The following NAALADL2 variants were observed in gnomAD, a reference collection of about 807,000 sequenced individuals.
The protein encoded by NAALADL2 is inactive N-acetylated-alpha-linked acidic dipeptidase-like protein 2.
In NAALADL2, 76 loss-of-function variants were observed where a neutral mutation model predicts 87.2. The ratio of observed to expected loss-of-function variants is 0.87; its 90% CI spans 0.72 to 1.05. The LOEUF is 1.05. Ranked by LOEUF, NAALADL2 falls within the 50% of genes least tolerant of loss-of-function variation. NAALADL2 has a pLI of 0.00. For missense variants in NAALADL2, 1,089 were observed against 945.8 expected (o/e 1.15, Z -1.99); for synonymous variants, 354 against 331.0 (o/e 1.07, Z -0.75).
At chr3:174,900,102 G>C (rs2109854221) in intron 1 of NAALADL2, among the ~76,000 whole-genome samples, 1 of 152,110 alleles carries the variant, frequency 6.6e-6, no homozygotes, top group South Asian at 2.1e-4. Flanking sequence ...ATATTGAGGA[G>C]AGAACCAGTT....
chr3:175,622,445 C>T (rs1472963387), intron 10 of NAALADL2, among the ~76,000 whole-genome samples: 1 of 151,980 alleles, frequency 6.6e-6, no homozygotes, highest in African/African-American at 2.4e-5. Context: ...CAGGCTTGAA[C>T]ACTTCTTATT....
At chr3:174,640,686 T>G (rs1216979369) in intron 2 of NAALADL2, among the ~76,000 whole-genome samples, 1 of 152,182 alleles carries the variant, frequency 6.6e-6, no homozygotes, top group African/African-American at 2.4e-5. Flanking sequence ...CCTTTTTGCC[T>G]TTAGCTTTTC....
At chr3:174,806,740 A>G (rs886575585) in intron 3 of NAALADL2, among the ~76,000 whole-genome samples, 1 of 152,170 alleles carries the variant, frequency 6.6e-6, no homozygotes, top group Non-Finnish European at 1.5e-5. Context: ...TTGTGTATTG[A>G]CAGAATTTTC....
intron 2 of NAALADL2, among the ~76,000 whole-genome samples, chr3:175,181,691 A>AGTGTGTG (rs1736504880): frequency 6.8e-5 from 3 of 44,162 alleles, no homozygotes; most frequent in Admixed American, 3.2e-4. Context: ...ATATATATAT[A>AGTGTGTG]TATATATATA....
chr3:174,729,176 A>G (rs1471399789), intron 2 of NAALADL2, among the ~76,000 whole-genome samples: 1 of 152,060 alleles, frequency 6.6e-6, no homozygotes, highest in Non-Finnish European at 1.5e-5. Flanking sequence ...CTAGACTAAC[A>G]TCCTGATGTC....
chr3:175,389,659 A>G (rs867111054), intron 5 of NAALADL2, among the ~76,000 whole-genome samples: 17 of 152,316 alleles, frequency 1.1e-4, no homozygotes, highest in African/African-American at 3.1e-4. Context: ...TGAAAATGCA[A>G]TTCTAGAATT....
At chr3:174,837,115 C>A (rs9829424) in intron 3 of NAALADL2, among the ~76,000 whole-genome samples, 72,132 of 151,744 alleles carry the variant, frequency 0.48, 17,836 homozygotes, top group African/African-American at 0.61. Context: ...ACCAAACCCA[C>A]ACCCAGCAGA....
intron 11 of NAALADL2, among the ~76,000 whole-genome samples, chr3:175,699,101 T>G (rs540424885): frequency 5.3e-5 from 8 of 152,066 alleles, no homozygotes; most frequent in South Asian, 4.1e-4. Flanking sequence ...TATTTCTAAC[T>G]ATGTGATTAA....
At chr3:175,107,233 T>C (rs757206474) in intron 2 of NAALADL2, among the ~76,000 whole-genome samples, 1 of 152,024 alleles carries the variant, frequency 6.6e-6, no homozygotes, top group Non-Finnish European at 1.5e-5. Context: ...GATTGAGATA[T>C]AAATTAGTAG....
chr3:175,377,330 A>G lies in NAALADL2; in HGVS notation c.1090+53005A>G, dbSNP rs1211768145. On this transcript the variant is annotated intron_variant, in intron 5 of 13. Transcript: ENST00000454872. ...CTGTTTCAAAAACAAAAACAAAAAA[A>G]TCATCAAATTTGTTTATAATAGTTT... 3.3e-4 allele frequency among the ~76,000 whole-genome samples: 50 copies of G among 152,148 alleles called. 2 individuals are homozygous for G. Among genetic ancestry groups the G allele is most frequent in the Admixed American group, 3.3e-3 (50 of 15,280 alleles).
At chr3:175,628,160 C>T (rs1423547492) in intron 11 of NAALADL2, among the ~76,000 whole-genome samples, 1 of 151,710 alleles carries the variant, frequency 6.6e-6, no homozygotes, top group African/African-American at 2.4e-5. Flanking sequence ...AGTACCCATA[C>T]AACCATTTGG....
chr3:175,426,384 A>C (rs775874389), intron 5 of NAALADL2, among the ~76,000 whole-genome samples: 1 of 152,160 alleles, frequency 6.6e-6, no homozygotes, highest in African/African-American at 2.4e-5. Flanking sequence ...AAGCAAAACA[A>C]AAATGACTTA....
chr3:174,809,604 T>G lies in NAALADL2; in HGVS notation c.-9+71858T>G, dbSNP rs927497368. On this transcript the variant is annotated intron_variant, in intron 3 of 3. Transcript: ENST00000434257. ...TTTCATGGCATCATATTTAAGAAAGTGGCCTCATATATAACTTCAAAAAAA... is the reference window on the plus strand; with the variant it reads ...TTTCATGGCATCATATTTAAGAAAGGGGCCTCATATATAACTTCAAAAAAA... 2.0e-5 allele frequency among the ~76,000 whole-genome samples: 3 copies of G among 151,390 alleles called. No homozygotes were observed. In the East Asian group the frequency reaches 5.8e-4, roughly 29 times the overall value.
chr3:175,085,660 C>T (rs1346982544), intron 1 of NAALADL2, among the ~76,000 whole-genome samples: 1 of 152,090 alleles, frequency 6.6e-6, no homozygotes, highest in Non-Finnish European at 1.5e-5. Flanking sequence ...CGCGGTGGCT[C>T]ACGCCTGTAA....
intron 2 of NAALADL2, among the ~76,000 whole-genome samples, chr3:175,155,577 TTTC>T (rs1276796027): frequency 1.3e-5 from 2 of 152,316 alleles, no homozygotes; most frequent in South Asian, 4.1e-4. Flanking sequence ...TTGTCTTTTT[TTTC>T]TTATTAATGA....
At chr3:175,433,246 T>A (rs2149169546) in intron 5 of NAALADL2, among the ~76,000 whole-genome samples, 2 of 152,122 alleles carry the variant, frequency 1.3e-5, no homozygotes, top group East Asian at 3.9e-4. Context: ...TCCTACCTCA[T>A]CTAAGAAACA....
At chr3:175,342,478 C>A (rs370598932) in intron 5 of NAALADL2, among the ~76,000 whole-genome samples, 14 of 151,328 alleles carry the variant, frequency 9.3e-5, no homozygotes, top group East Asian at 5.8e-4. Context: ...AAGCTGATTA[C>A]TCCCTCCTGG....
At chr3:174,882,498 T>A (rs569329924) in intron 1 of NAALADL2, among the ~76,000 whole-genome samples, 1 of 145,270 alleles carries the variant, frequency 6.9e-6, no homozygotes, top group East Asian at 2.0e-4. Flanking sequence ...TGCATATACA[T>A]ATATGTGTAT....
intron 5 of NAALADL2, among the ~76,000 whole-genome samples, chr3:175,372,933 T>C (rs558644577): frequency 1.3e-5 from 2 of 152,290 alleles, no homozygotes; most frequent in South Asian, 2.1e-4. Flanking sequence ...TCTTAAAATA[T>C]GTTAGAAAGA....
Sources: gnomAD v4.1 joint callset for allele counts (sites outside exome capture counted in the v4.1 genomes callset) on GRCh38, gnomAD v4.1.1 for gene constraint, MANE v1.5 for transcripts, NCBI Gene and HGNC (gene_info 2026-07-23, HGNC 2026-07-21) for gene names.